Variants in SAFB observed in about 807,000 individuals in gnomAD.
SAFB encodes the protein scaffold attachment factor B.
A neutral mutation model predicts 101.6 loss-of-function variants in SAFB; 15 were observed. The ratio of observed to expected loss-of-function variants is 0.15; its 90% CI spans 0.10 to 0.23. The LOEUF is 0.23. Among genes scored for constraint, SAFB ranks in the 10% least tolerant of loss-of-function variants. The pLI is 1.00. For synonymous variants in SAFB, 449 were observed against 407.5 expected (o/e 1.10, Z -1.23); for missense variants, 930 against 1,104.1 (o/e 0.84, Z 2.23).
At chr19:5,630,164 T>C (rs1442208580) in intron 2 of SAFB, among the ~76,000 whole-genome samples, 1 of 152,248 alleles carries the variant, frequency 6.6e-6, no homozygotes, top group Non-Finnish European at 1.5e-5. Flanking sequence ...TTGCCTGTTA[T>C]ATAGAAGAAA....
chr19:5,630,253 A>G (rs139260654), intron 2 of SAFB, among the ~76,000 whole-genome samples: 190 of 152,274 alleles, frequency 1.2e-3, no homozygotes, highest in African/African-American at 4.5e-3. Context: ...TACTCTTCTG[A>G]TAATTGGACA....
chr19:5,658,221 C>T lies in SAFB; in HGVS notation c.1862+874C>T, dbSNP rs190519831. Among the ~76,000 whole-genome samples, 69 of 152,172 alleles carry T rather than the reference C, an allele frequency of 4.5e-4. 1 individual carries two copies. Among genetic ancestry groups the T allele is most frequent in the African/African-American group, 1.5e-3 (64 of 41,540 alleles). On this transcript the variant is annotated intron_variant, in intron 14 of 20. Transcript: ENST00000588852. ...CCATGTTGGCCAGGCTGGTTTCAAA[C>T]TCCTGACCTCAAGTGATCTGCCTGC...
chr19:5,650,540 T>G (rs1216179754), intron 8 of SAFB, among the ~76,000 whole-genome samples: 1 of 152,140 alleles, frequency 6.6e-6, no homozygotes, highest in Non-Finnish European at 1.5e-5. Context: ...GCCTCCTGAG[T>G]AGCTGGGATT....
intron 2 of SAFB, among the ~76,000 whole-genome samples, chr19:5,637,516 C>T (rs1321216013): frequency 1.3e-5 from 2 of 151,776 alleles, no homozygotes; most frequent in African/African-American, 4.8e-5. Flanking sequence ...ATTAGCCAAG[C>T]ATGGTGGCAC....
chr19:5,662,872 C>T (rs1359975451), intron 15 of SAFB, among the ~76,000 whole-genome samples: 1 of 151,822 alleles, frequency 6.6e-6, no homozygotes, highest in Non-Finnish European at 1.5e-5. Context: ...AAACTCCTGA[C>T]CTCAGGTGAT....
At chr19:5,668,007 A>G in intron 20 of SAFB, 121 bp downstream of exon 20, 1 of 1,415,960 alleles carries the variant, frequency 7.1e-7, no homozygotes, top group South Asian at 1.3e-5. Context: ...ACGTGAGGCC[A>G]GGCATGGGGT....
intron 1 of SAFB, among the ~76,000 whole-genome samples, chr19:5,624,543 C>T (rs376839306): frequency 4.6e-5 from 7 of 152,244 alleles, no homozygotes; most frequent in Non-Finnish European, 8.8e-5. Context: ...TACTCTGGGA[C>T]CTCTCCCCTG....
At chr19:5,660,311 T>C (rs190670684) in intron 14 of SAFB, among the ~76,000 whole-genome samples, 6 of 136,126 alleles carry the variant, frequency 4.4e-5, no homozygotes, top group South Asian at 2.2e-4. Flanking sequence ...ACTGAGGTGC[T>C]TTTTTTTTTT....
Position 5,636,026 on chromosome 19 carries a change from G to A in SAFB, c.275-5568G>A, listed in dbSNP as rs759674822. On this transcript the variant is annotated intron_variant, in intron 2 of 20. Transcript: ENST00000588852. ...TTCCAGTCAGGGATGTGCTTTATAC[G>A]TTGAAGATTAAACATTTTGAAGATT... Among the ~76,000 whole-genome samples, 71 of 152,096 alleles carry A rather than the reference G, an allele frequency of 4.7e-4. 1 individual carries two copies. In the Middle Eastern group the frequency reaches 0.014, roughly 29 times the overall value.
chr19:5,657,194 C>T (rs774460743), intron 13 of SAFB, 47 bp from the exon 14 acceptor site: 18 of 1,434,630 alleles, frequency 1.3e-5, no homozygotes, highest in South Asian at 2.3e-5. Context: ...CATAAGCCTC[C>T]GTGCCTGGCC....
chr19:5,639,303 G>A (rs555811135), intron 2 of SAFB, among the ~76,000 whole-genome samples: 5 of 152,242 alleles, frequency 3.3e-5, no homozygotes, highest in African/African-American at 1.2e-4. Flanking sequence ...CTAAATACAG[G>A]TGTATATTAT....
At chr19:5,637,993 A>G (rs2053629270) in intron 2 of SAFB, among the ~76,000 whole-genome samples, 1 of 152,178 alleles carries the variant, frequency 6.6e-6, no homozygotes, top group Non-Finnish European at 1.5e-5. Flanking sequence ...GCCATGCCTA[A>G]TGACTTCCAT....
At chr19:5,668,122 G>A in intron 20 of SAFB, 40 bp from the exon 21 acceptor site, 1 of 1,597,242 alleles carries the variant, frequency 6.3e-7, no homozygotes, top group Non-Finnish European at 8.5e-7. Context: ...CCGGGGAGCA[G>A]GAGGACTTCG....
At chr19:5,635,253 G>A (rs573533487) in intron 2 of SAFB, among the ~76,000 whole-genome samples, 14 of 152,246 alleles carry the variant, frequency 9.2e-5, no homozygotes, top group Non-Finnish European at 1.3e-4. Flanking sequence ...GGCAGCTAAC[G>A]TGGGGAACTG....
At chr19:5,655,444 A>T (rs937693129) in intron 13 of SAFB, among the ~76,000 whole-genome samples, 2 of 138,248 alleles carry the variant, frequency 1.4e-5, no homozygotes, top group Admixed American at 1.6e-4. Context: ...TGGGAGAGAG[A>T]GTGAGACCCC....
chr19:5,644,761 G>A (rs750218213), intron 4 of SAFB, among the ~76,000 whole-genome samples: 32 of 152,190 alleles, frequency 2.1e-4, no homozygotes, highest in Admixed American at 1.2e-3. Context: ...GGAATCCTTT[G>A]CCTTATTGGG....
chr19:5,641,727 G>C lies in SAFB; in HGVS notation c.340-13G>C. 1 of 1,613,920 alleles carries C rather than the reference G, an allele frequency of 6.2e-7. No individual in the cohort carries two copies. Among genetic ancestry groups the C allele is most frequent in the Non-Finnish European group, 8.5e-7 (1 of 1,179,850 alleles). On this transcript the variant is annotated splice_polypyrimidine_tract_variant and intron_variant, in intron 3 of 20. Transcript: ENST00000588852. Reference sequence around the variant, plus strand: ...TGGCGGTCACATGATGGTTCGGTCTGGTTGTGTCACAGGAGGATGTTGAGA... The same window carrying C: ...TGGCGGTCACATGATGGTTCGGTCTCGTTGTGTCACAGGAGGATGTTGAGA...
rs1361799758 is a variant in SAFB at position 5,664,171 on chromosome 19, C to A, written c.2291+12C>A. ...CACTCGGTGGACAGGTCAGTTGGGC[C>A]CCTGCTGGGCGTGCGGGTTTTCTTT... On this transcript the variant is annotated intron_variant, in intron 16 of 20. Coordinates refer to ENST00000588852, the MANE Select transcript of SAFB (RefSeq NM_001201338.2). The A allele has an allele frequency of 6.2e-7, 1 of 1,611,860 alleles. No individual in the cohort carries two copies. Among genetic ancestry groups the A allele is most frequent in the Non-Finnish European group, 8.5e-7 (1 of 1,179,328 alleles).
At chr19:5,649,847 C>T in intron 7 of SAFB, 79 bp from the exon 8 acceptor site, 1 of 1,330,408 alleles carries the variant, frequency 7.5e-7, no homozygotes, top group Non-Finnish European at 1.1e-6. Flanking sequence ...GGTATGCAAC[C>T]TCAGCACGAA....
Sources: gnomAD v4.1 joint callset for allele counts (sites outside exome capture counted in the v4.1 genomes callset) on GRCh38, gnomAD v4.1.1 for gene constraint, MANE v1.5 for transcripts, NCBI Gene and HGNC (gene_info 2026-07-23, HGNC 2026-07-21) for gene names.